The following LPA variants were observed in gnomAD, a reference collection of about 807,000 sequenced individuals.
LPA encodes apolipoprotein(a).
LPA carries 199 observed loss-of-function variants against 197.9 expected under a neutral mutation model. The ratio of observed to expected loss-of-function variants is 1.01; its 90% CI spans 0.90 to 1.13. The LOEUF is 1.13. Among genes scored for constraint, LPA ranks in the 50% most tolerant of loss-of-function variants. LPA has a pLI of 0.00. For missense variants in LPA, 1,853 were observed against 1,785.8 expected (o/e 1.04, Z -0.68); for synonymous variants, 715 against 639.5 (o/e 1.12, Z -1.78).
intron 24 of LPA, 71 bp downstream of exon 24, chr6:160,589,482 G>A: frequency 6.3e-7 from 1 of 1,576,846 alleles, no homozygotes; most frequent in Non-Finnish European, 8.7e-7. Flanking sequence ...GAAGTTAGCT[G>A]GAAGCATGGC....
rs954558374 is a variant in LPA, at chr6:160,556,898, G to A, written c.4813+492C>T. On this transcript the variant is annotated intron_variant, in intron 29 of 38. Transcript: ENST00000316300. The stretch of plus-strand genomic sequence containing the variant: ...CAGAGCCTACCTAAGACTGAAATAA[G>A]CCAGAGAAATAGTGTATTCTGTGGT... Among the ~76,000 whole-genome samples the A allele has an allele frequency of 5.3e-5, 8 of 152,094 alleles. No individual in the cohort carries two copies. The East Asian group carries it at 1.5e-3, about 29-fold the overall frequency.
In LPA at chr6:160,542,742, C is replaced by G. The variant is rs41265936; in HGVS notation, c.5465G>C (p.Gly1822Ala). The G allele has an allele frequency of 3.5e-3, 5,640 of 1,614,044 alleles. 181 individuals carry two copies. In the African/African-American group the frequency reaches 0.064, roughly 18 times the overall value. ...EPKKCPGSIV[G>A]GCVAHPHSWP... is the part of the protein sequence containing the mutation. ...GGAATGTGGGTGGGCCACACACCCC[C>G]CTACAATGCTTCCAGGACATTTCTT... Residue 1822 changes from glycine (G) to alanine (A), a missense_variant, in exon 34 of 39, where the codon GGG becomes GCG. Gly to Ala is a moderately conservative substitution (Grantham distance 60). Around this residue, in one of 3 missense-constraint regions of LPA, gnomAD observed 1,737 missense variants for 1,504.4 expected, o/e 1.15. Coordinates refer to ENST00000316300, the MANE Select transcript of LPA (RefSeq NM_005577.4).
chr6:160,571,105 C>T (rs1333349289), intron 28 of LPA, among the ~76,000 whole-genome samples: 1 of 152,076 alleles, frequency 6.6e-6, no homozygotes, highest in Non-Finnish European at 1.5e-5. Context: ...TCACGCTTTA[C>T]TTCATTAAGT....
chr6:160,547,231 C>T (rs531773245), intron 32 of LPA, among the ~76,000 whole-genome samples: 11 of 152,142 alleles, frequency 7.2e-5, no homozygotes, highest in Non-Finnish European at 1.6e-4. Context: ...GTGGTCCCAT[C>T]TGGGGGTGAT....
intron 32 of LPA, 143 bp downstream of exon 32, chr6:160,547,646 C>T: frequency 9.1e-7 from 1 of 1,096,146 alleles, no homozygotes; most frequent in Non-Finnish European, 1.4e-6. Context: ...TGGGGCTTTG[C>T]TGGCCTGTGC....
chr6:160,656,119 A>C (rs1448709049), intron 1 of LPA, among the ~76,000 whole-genome samples: 1 of 152,226 alleles, frequency 6.6e-6, no homozygotes, highest in African/African-American at 2.4e-5. Context: ...ATAATCCACC[A>C]TCATTTTCCA....
Position 160,586,521 on chromosome 6 carries a change from C to T in LPA, c.4057G>A (p.Val1353Met). The T allele has an allele frequency of 6.2e-7, 1 of 1,613,826 alleles. No individual in the cohort carries two copies. Among genetic ancestry groups the T allele is most frequent in the Non-Finnish European group, 8.5e-7 (1 of 1,179,790 alleles). ...WEYCNLTQCPVMESTLLTTPT... is the reference protein window; with the variant it reads ...WEYCNLTQCPMMESTLLTTPT... ...GTTGTGAGGAGAGTTGATTCCATCA[C>T]TGGACATTGCGTCAGGTTGCAGTAC... The change falls in exon 25 of 39, where the codon GTG becomes ATG. Residue 1353 changes from valine to methionine, a missense_variant. Physicochemically the swap from Val to Met is conservative, Grantham distance 21 (BLOSUM62 1). Transcript: ENST00000316300.
intron 28 of LPA, among the ~76,000 whole-genome samples, chr6:160,563,841 C>T (rs1442245511): frequency 1.3e-5 from 2 of 152,172 alleles, no homozygotes; most frequent in African/African-American, 4.8e-5. Flanking sequence ...CTCTTTTGAT[C>T]TTTGATGGTT....
At chr6:160,598,865 G>T (rs1312598494) in intron 20 of LPA, among the ~76,000 whole-genome samples, 1 of 152,060 alleles carries the variant, frequency 6.6e-6, no homozygotes, top group Non-Finnish European at 1.5e-5. Context: ...TTCACTTCAG[G>T]GACTAGAGCT....
intron 28 of LPA, among the ~76,000 whole-genome samples, chr6:160,566,690 G>C (rs1177700760): frequency 1.3e-5 from 2 of 152,176 alleles, no homozygotes; most frequent in Admixed American, 1.3e-4. Context: ...AAAAGACACA[G>C]ACTGGAAAAT....
intron 20 of LPA, among the ~76,000 whole-genome samples, chr6:160,598,989 T>C (rs1779183389): frequency 1.3e-5 from 2 of 152,214 alleles, no homozygotes; most frequent in Non-Finnish European, 2.9e-5. Flanking sequence ...TAATAAGATC[T>C]TCTCAACTCC....
intron 26 of LPA, among the ~76,000 whole-genome samples, chr6:160,584,164 T>C (rs1480577849): frequency 1.4e-5 from 2 of 147,808 alleles, no homozygotes; most frequent in Non-Finnish European, 3.0e-5. Context: ...ATGCACTCAT[T>C]TCTATTTTCT....
intron 21 of LPA, among the ~76,000 whole-genome samples, chr6:160,594,878 C>G (rs571847363): frequency 2.0e-5 from 3 of 152,220 alleles, no homozygotes; most frequent in African/African-American, 7.2e-5. Context: ...GCTACCTGGA[C>G]CCAGAAGTAT....
At chr6:160,580,946 G>GTGCATACTATATAATTGAGCAAT (rs1778782931) in intron 26 of LPA, among the ~76,000 whole-genome samples, 3 of 152,074 alleles carry the variant, frequency 2.0e-5, no homozygotes, top group Non-Finnish European at 2.9e-5. Context: ...TTCTTTTACA[G>GTGCATACTATATAATTGAGCAAT]TTAGTGTTTT....
intron 28 of LPA, among the ~76,000 whole-genome samples, chr6:160,574,420 G>A (rs531278751): frequency 5.7e-4 from 87 of 152,174 alleles, no homozygotes; most frequent in African/African-American, 2.0e-3. Flanking sequence ...CTGGCCAGGA[G>A]GCTTCTCCCC....
At chr6:160,596,855 A>G (rs1779142965) in intron 20 of LPA, among the ~76,000 whole-genome samples, 1 of 152,166 alleles carries the variant, frequency 6.6e-6, no homozygotes. Context: ...CATTCACTGC[A>G]TCTCCTAAGT....
intron 1 of LPA, among the ~76,000 whole-genome samples, chr6:160,652,752 A>C (rs963067894): frequency 2.0e-5 from 3 of 152,186 alleles, no homozygotes; most frequent in African/African-American, 7.2e-5. Flanking sequence ...CTCTATTACA[A>C]AGAGCAATAG....
Position 160,589,632 on chromosome 6 carries a change from C to T in LPA, c.3868G>A (p.Val1290Ile), listed in dbSNP as rs949798914. The change falls in exon 24 of 39, where the codon GTT (valine) becomes ATT (isoleucine). Residue 1290 changes from valine (V) to isoleucine (I), a missense_variant. Physicochemically the swap from Val to Ile is conservative, Grantham distance 29. Coordinates refer to ENST00000316300, the MANE Select transcript of LPA (RefSeq NM_005577.4). ...QSYRGSFSTTVTGRTCQSWSS... is the reference protein window; with the variant it reads ...QSYRGSFSTTITGRTCQSWSS... ...CAAGACTGACATGTCCTTCCTGTAA[C>T]AGTGGTGGAGAATGAGCCTCGATAA... 4.4e-5 allele frequency: 71 copies of T among 1,613,846 alleles called. No individual in the cohort carries two copies. Among genetic ancestry groups the T allele is most frequent in the Admixed American group, 6.7e-5 (4 of 59,996 alleles).
chr6:160,663,456 T>C lies in LPA; in HGVS notation c.49+710A>G, dbSNP rs947972365. Among the ~76,000 whole-genome samples the C allele has an allele frequency of 4.6e-5, 7 of 152,234 alleles. No individual in the cohort carries two copies. In the East Asian group the frequency reaches 1.3e-3, roughly 29 times the overall value. On this transcript the variant is annotated intron_variant, in intron 1 of 38. Coordinates refer to ENST00000316300, the MANE Select transcript of LPA (RefSeq NM_005577.4). Reference sequence around the variant, plus strand: ...TAAAATGGGGATGACTATGCTACCCTACCTATACCATGAGCTAAATAAGCT... The same window carrying C: ...TAAAATGGGGATGACTATGCTACCCCACCTATACCATGAGCTAAATAAGCT...
Sources: gnomAD v4.1 joint callset for allele counts (sites outside exome capture counted in the v4.1 genomes callset) on GRCh38, gnomAD v4.1.1 for gene constraint, gnomAD v4.1.1 regional missense constraint, MANE v1.5 for transcripts, NCBI Gene and HGNC (gene_info 2026-07-23, HGNC 2026-07-21) for gene names.